The following ALMS1 variants were observed in gnomAD, a reference collection of about 807,000 sequenced individuals.
ALMS1 encodes the protein ALMS1 centrosome and basal body associated protein.
ALMS1 carries 271 observed loss-of-function variants against 352.2 expected under a neutral mutation model. That is an observed-to-expected ratio of 0.77 (90% CI 0.70 to 0.85). ALMS1 has a LOEUF of 0.85. Among genes scored for constraint, ALMS1 ranks in the 40% least tolerant of loss-of-function variants. ALMS1 has a pLI of 0.00. For missense variants in ALMS1, 5,445 were observed against 4,870.7 expected, an observed-to-expected ratio of 1.12 and a Z score of -3.51; for synonymous variants, 1,865 against 1,761.2, an observed-to-expected ratio of 1.06 and a Z score of -1.48.
At position 73,545,030 on chromosome 2, in the gene ALMS1, G is replaced by C. The variant is rs148605911; in HGVS notation, c.9908-5237G>C. ...TGTGTTTACTAGGGGCTGGGGCTAGGGGGAGTGGGAAGTTACTATTTAATG... is the reference window on the plus strand; with the variant it reads ...TGTGTTTACTAGGGGCTGGGGCTAGCGGGAGTGGGAAGTTACTATTTAATG... On this transcript the variant is annotated intron_variant, in intron 12 of 22. Coordinates refer to ENST00000613296, the MANE Select transcript of ALMS1 (RefSeq NM_001378454.1). 2.3e-3 allele frequency among the ~76,000 whole-genome samples: 349 copies of C among 152,218 alleles called. 2 individuals carry two copies. The highest frequency in any genetic ancestry group is 3.6e-3 in the Non-Finnish European group (244 of 68,006).
chr2:73,552,123 A>G (rs1376651434), intron 13 of ALMS1, among the ~76,000 whole-genome samples: 3 of 152,178 alleles, frequency 2.0e-5, no homozygotes, highest in Admixed American at 6.5e-5. Context: ...TTACATATGT[A>G]TACATGTGCC....
intron 1 of ALMS1, among the ~76,000 whole-genome samples, chr2:73,386,743 G>A (rs1033364136): frequency 1.3e-5 from 2 of 152,156 alleles, no homozygotes; most frequent in African/African-American, 4.8e-5. Flanking sequence ...GAATGCAGGA[G>A]GCTTGTGATG....
intron 12 of ALMS1, among the ~76,000 whole-genome samples, chr2:73,539,901 T>C (rs1226819889): frequency 6.6e-6 from 1 of 152,224 alleles, no homozygotes; most frequent in Non-Finnish European, 1.5e-5. Flanking sequence ...CTGATTGGTG[T>C]ACTTGAAAGT....
intron 10 of ALMS1, among the ~76,000 whole-genome samples, chr2:73,493,419 A>C (rs574717170): frequency 6.6e-6 from 1 of 151,200 alleles, no homozygotes; most frequent in African/African-American, 2.4e-5. Flanking sequence ...TATATATAAT[A>C]CCTTATAAAA....
intron 10 of ALMS1, among the ~76,000 whole-genome samples, chr2:73,517,401 A>T (rs1029445977): frequency 3.3e-5 from 5 of 150,682 alleles, no homozygotes; most frequent in African/African-American, 9.8e-5. Context: ...CTATAGGCGC[A>T]TGCCACTGTG....
chr2:73,435,617 T>C (rs1234632303), intron 7 of ALMS1, among the ~76,000 whole-genome samples: 1 of 152,128 alleles, frequency 6.6e-6, no homozygotes, highest in African/African-American at 2.4e-5. Flanking sequence ...TGTTTTTTTT[T>C]TTAGTCGGGG....
intron 13 of ALMS1, among the ~76,000 whole-genome samples, chr2:73,556,378 A>G (rs1674541940): frequency 6.6e-6 from 1 of 152,162 alleles, no homozygotes; most frequent in Admixed American, 6.5e-5. Context: ...ACTTACAGAT[A>G]AAAAAATCAA....
intron 9 of ALMS1, among the ~76,000 whole-genome samples, chr2:73,474,019 A>G (rs759860351): frequency 2.0e-5 from 3 of 152,058 alleles, no homozygotes; most frequent in African/African-American, 4.8e-5. Flanking sequence ...TGAATTTCAA[A>G]TGGGTTAAAC....
chr2:73,391,076 A>G lies in ALMS1; in HGVS notation c.324+4884A>G, dbSNP rs182667989. Among the ~76,000 whole-genome samples the G allele has an allele frequency of 1.7e-3, 260 of 151,430 alleles. 1 individual carries two copies. The highest frequency in any genetic ancestry group is 5.6e-3 in the African/African-American group (230 of 41,298). On this transcript the variant is annotated intron_variant, in intron 1 of 22. Transcript: ENST00000613296. ...GTGATGAGCCACTGCGCCCGGCCCA[A>G]CAGTGTTTGGAAATCTTTAGTTTCC...
At chr2:73,431,664 T>C (rs1671500951) in intron 6 of ALMS1, among the ~76,000 whole-genome samples, 1 of 152,232 alleles carries the variant, frequency 6.6e-6, no homozygotes, top group Admixed American at 6.5e-5. Context: ...GTTTGAGGAC[T>C]TATGCTTGTT....
intron 9 of ALMS1, among the ~76,000 whole-genome samples, chr2:73,482,616 T>C (rs1423471604): frequency 6.6e-6 from 1 of 152,248 alleles, no homozygotes; most frequent in Non-Finnish European, 1.5e-5. Context: ...GAGGATTCCC[T>C]CTTTTTCCAT....
chr2:73,398,988 C>T (rs1670819136), intron 1 of ALMS1, among the ~76,000 whole-genome samples: 1 of 152,028 alleles, frequency 6.6e-6, no homozygotes, highest in African/African-American at 2.4e-5. Context: ...GGATTACAGG[C>T]GCCTGCCACC....
rs1261459225 is a variant in ALMS1 at position 73,448,824 on chromosome 2, A to G, written c.2297A>G (p.Gln766Arg). The G allele has an allele frequency of 1.2e-6, 2 of 1,613,892 alleles. No individual in the cohort carries two copies. Among genetic ancestry groups the G allele is most frequent in the Admixed American group, 1.7e-5 (1 of 59,984 alleles). ...GCAGTACAGTCTAGTTCTTACTCAC[A>G]AAGAGAAAAGCCTAGTATTTTGTAC... The part of the protein sequence containing the change: ...IPAVQSSSYS[Q>R]REKPSILYPQ... The change falls in exon 8 of 23, where the codon CAA becomes CGA. Residue 766 changes from glutamine to arginine, a missense_variant. Coordinates refer to ENST00000613296, the MANE Select transcript of ALMS1 (RefSeq NM_001378454.1).
At chr2:73,526,470 T>A (rs901067529) in intron 11 of ALMS1, among the ~76,000 whole-genome samples, 13 of 152,170 alleles carry the variant, frequency 8.5e-5, no homozygotes, top group Non-Finnish European at 1.6e-4. Context: ...ATTATCTTCA[T>A]CAGTGTTTTA....
chr2:73,591,977 C>T (rs1313014402), intron 16 of ALMS1, among the ~76,000 whole-genome samples: 1 of 152,150 alleles, frequency 6.6e-6, no homozygotes, highest in Non-Finnish European at 1.5e-5. Context: ...CTACCATTAT[C>T]TGGGAAATTT....
intron 11 of ALMS1, among the ~76,000 whole-genome samples, chr2:73,531,375 C>G (rs866041628): frequency 7.2e-5 from 11 of 152,218 alleles, no homozygotes; most frequent in African/African-American, 2.4e-4. Context: ...TGCTGCCAGT[C>G]TCTTTGCTAA....
intron 16 of ALMS1, among the ~76,000 whole-genome samples, chr2:73,586,623 A>G (rs1675319612): frequency 6.6e-6 from 1 of 152,100 alleles, no homozygotes; most frequent in Admixed American, 6.5e-5. Context: ...TTTTTATACC[A>G]GTACCATGCT....
chr2:73,491,553 C>T, intron 10 of ALMS1, 55 bp downstream of exon 10: 1 of 1,575,948 alleles, frequency 6.3e-7, no homozygotes, highest in East Asian at 2.2e-5. Flanking sequence ...TAAAGGGTTT[C>T]AAATACTTAA....
chr2:73,569,546 C>T (rs575844143), intron 15 of ALMS1, among the ~76,000 whole-genome samples: 22 of 152,192 alleles, frequency 1.4e-4, no homozygotes, highest in African/African-American at 5.1e-4. Flanking sequence ...TTATGTTACT[C>T]GCCTGTTCAA....
Sources: allele counts gnomAD v4.1 joint callset (sites outside exome capture counted in the v4.1 genomes callset), GRCh38; gene constraint gnomAD v4.1.1; transcripts MANE v1.5; gene names NCBI Gene and HGNC (gene_info 2026-07-23, HGNC 2026-07-21).